PAM: variants seen among roughly 807,000 people sequenced by gnomAD.
The protein encoded by PAM is peptidylglycine alpha-amidating monooxygenase.
PAM carries 72 observed loss-of-function variants against 122.1 expected under a neutral mutation model. The ratio of observed to expected loss-of-function variants is 0.59; its 90% CI spans 0.49 to 0.72. The LOEUF is 0.72. Ranked by LOEUF, PAM falls within the 30% of genes least tolerant of loss-of-function variation. The pLI is 0.00. For missense variants in PAM, 1,106 were observed against 1,183.7 expected (o/e 0.93, Z 0.96); for synonymous variants, 389 against 404.4 (o/e 0.96, Z 0.46).
chr5:102,884,521 G>A (rs1489817935), intron 3 of PAM, among the ~76,000 whole-genome samples: 4 of 151,912 alleles, frequency 2.6e-5, no homozygotes, highest in African/African-American at 4.8e-5. Context: ...GAAGATATTT[G>A]TGGAAGGCAA....
intron 12 of PAM, among the ~76,000 whole-genome samples, chr5:102,956,625 A>G (rs1056011998): frequency 1.4e-4 from 22 of 152,184 alleles, no homozygotes; most frequent in African/African-American, 5.3e-4. Flanking sequence ...TTTGTCTCCA[A>G]TATTAGTATA....
chr5:102,942,380 A>C (rs1396795960), intron 7 of PAM, among the ~76,000 whole-genome samples: 1 of 152,072 alleles, frequency 6.6e-6, no homozygotes, highest in East Asian at 1.9e-4. Flanking sequence ...TAATAGTCAA[A>C]TAGTTATTAC....
intron 16 of PAM, among the ~76,000 whole-genome samples, chr5:102,992,845 T>C (rs1262971768): frequency 6.6e-6 from 1 of 152,120 alleles, no homozygotes; most frequent in Non-Finnish European, 1.5e-5. Context: ...GACCAGGGCA[T>C]ATTCTAAATC....
In PAM at chr5:102,866,119, G is replaced by A. The variant is rs1785474567; in HGVS notation, c.-77G>A. ...CCATGAAGTAGCGGCTGCTGGCGGC[G>A]CCGCTGCCCAACCGCCAGCCCCAGC... On this transcript the variant is annotated 5_prime_UTR_variant, in exon 2 of 26. Coordinates refer to ENST00000438793, the MANE Select transcript of PAM (RefSeq NM_001177306.2). The A allele has an allele frequency of 4.2e-6, 4 of 949,888 alleles. No homozygotes were observed. Among genetic ancestry groups the A allele is most frequent in the Non-Finnish European group, 6.4e-6 (4 of 621,968 alleles). 58.8% of individuals were successfully genotyped at this position (949,888 alleles called of 1,614,324 possible). A position where few individuals can be genotyped will look rare whatever the true frequency, so the allele number is the denominator to read the frequency against.
At chr5:102,932,821 TAGTGAATA>T (rs1037004918) in intron 7 of PAM, among the ~76,000 whole-genome samples, 48 of 152,232 alleles carry the variant, frequency 3.2e-4, no homozygotes, top group African/African-American at 1.2e-3. Context: ...TGAGATAGCC[TAGTGAATA>T]TCAATGATTG....
chr5:102,884,740 C>G (rs1314309506), intron 3 of PAM, among the ~76,000 whole-genome samples: 1 of 151,842 alleles, frequency 6.6e-6, no homozygotes, highest in African/African-American at 2.4e-5. Flanking sequence ...TTTCAAGGCA[C>G]AGATTGCTTT....
chr5:102,892,894 G>C (rs572095244), intron 3 of PAM, among the ~76,000 whole-genome samples: 3 of 151,712 alleles, frequency 2.0e-5, no homozygotes, highest in Admixed American at 2.0e-4. Context: ...TCAAATTGTC[G>C]TTTGTTATAT....
rs543961539 is a variant in PAM at position 102,960,680 on chromosome 5, A to AT, written c.1091-476dup. 3.3e-5 allele frequency among the ~76,000 whole-genome samples: 5 copies of AT among 151,856 alleles called. No homozygotes were observed. The South Asian group carries it at 1.0e-3, about 32-fold the overall frequency. ...ATCGCATGAAGTATGCTGAGACTTGATTGAGTTTTGCAAGTTCAGTCTTAA... is the reference window on the plus strand; with the variant it reads ...ATCGCATGAAGTATGCTGAGACTTGATTTGAGTTTTGCAAGTTCAGTCTTAA... On this transcript the variant is annotated intron_variant, in intron 13 of 25. Transcript: ENST00000438793.
intron 1 of PAM, among the ~76,000 whole-genome samples, chr5:102,778,125 G>A (rs569733027): frequency 8.1e-4 from 124 of 152,158 alleles, no homozygotes; most frequent in Non-Finnish European, 1.6e-3. Flanking sequence ...GCACCATAGA[G>A]AATTAAAAAG....
chr5:102,814,250 A>G (rs1181685327), intron 1 of PAM, among the ~76,000 whole-genome samples: 1 of 152,192 alleles, frequency 6.6e-6, no homozygotes, highest in Non-Finnish European at 1.5e-5. Context: ...TTTAAGCTCA[A>G]AACTTCCCAA....
intron 1 of PAM, among the ~76,000 whole-genome samples, chr5:102,786,445 T>G (rs150263375): frequency 3.0e-4 from 45 of 152,330 alleles, no homozygotes; most frequent in Non-Finnish European, 4.7e-4. Flanking sequence ...AATTTTTTAT[T>G]CTCTACTTAG....
chr5:102,881,125 T>TACATACACACACACACACACAC lies in PAM; in HGVS notation c.210+13736_210+13757dup, dbSNP rs1554098643. Among the ~76,000 whole-genome samples the TACATACACACACACACACACAC allele has an allele frequency of 4.6e-3, 315 of 69,090 alleles. 3 individuals carry two copies. The highest frequency in any genetic ancestry group is 0.029 in the African/African-American group (300 of 10,366). The allele number at this position is 69,090 out of a possible 152,430, so 45.3% of individuals were successfully genotyped here. Reference sequence around the variant, plus strand: ...CTGGAAAATTAAAAAATAATTTTTATACATACACACACACACACACACACA... The same window carrying TACATACACACACACACACACAC: ...CTGGAAAATTAAAAAATAATTTTTATACATACACACACACACACACACACATACACACACACACACACACACA... On this transcript the variant is annotated intron_variant, in intron 3 of 25. Coordinates refer to ENST00000438793, the MANE Select transcript of PAM (RefSeq NM_001177306.2).
chr5:102,926,584 G>A lies in PAM; in HGVS notation c.443-1G>A, dbSNP rs758310100. 8 of 1,551,680 alleles carry A rather than the reference G, an allele frequency of 5.2e-6. No individual in the cohort carries two copies. The highest frequency in any genetic ancestry group is 5.3e-6 in the Non-Finnish European group (6 of 1,124,092). Reference sequence around the variant, plus strand: ...ATATTAACTTTTTTGTAAATCTTTAGGTGTTGGATTCAGAGTTGGAGGAGA... The same window carrying A: ...ATATTAACTTTTTTGTAAATCTTTAAGTGTTGGATTCAGAGTTGGAGGAGA... On this transcript the variant is annotated splice_acceptor_variant, in intron 6 of 25. Transcript: ENST00000438793. LOFTEE classifies it high-confidence loss of function.
intron 1 of PAM, among the ~76,000 whole-genome samples, chr5:102,834,200 C>G (rs468987): frequency 0.68 from 103,451 of 151,936 alleles, 35,461 homozygotes; most frequent in South Asian, 0.82. Context: ...AAGAAAAATT[C>G]TACTTTTGTT....
intron 16 of PAM, among the ~76,000 whole-genome samples, chr5:103,002,739 G>A (rs1777774578): frequency 6.6e-6 from 1 of 152,124 alleles, no homozygotes; most frequent in Admixed American, 6.6e-5. Context: ...TCAAACCCCA[G>A]TGAGCATAGG....
At chr5:102,967,787 C>T (rs540973617) in intron 14 of PAM, among the ~76,000 whole-genome samples, 3 of 148,018 alleles carry the variant, frequency 2.0e-5, no homozygotes, top group Non-Finnish European at 4.4e-5. Flanking sequence ...ACTATCTCAG[C>T]TCACAGCTCA....
chr5:102,928,205 A>G (rs922144463), intron 7 of PAM, among the ~76,000 whole-genome samples: 8 of 152,192 alleles, frequency 5.3e-5, no homozygotes, highest in African/African-American at 1.9e-4. Context: ...TCACTTTTCA[A>G]TCTAATTCCC....
At chr5:102,979,519 GA>G (rs1434602429) in intron 15 of PAM, among the ~76,000 whole-genome samples, 23 of 151,298 alleles carry the variant, frequency 1.5e-4, no homozygotes, top group Non-Finnish European at 2.9e-4. Context: ...TGTTTTTGTT[GA>G]AGTCTTCTAG....
intron 15 of PAM, among the ~76,000 whole-genome samples, chr5:102,980,926 AGACTT>A (rs1769561000): frequency 1.3e-5 from 2 of 152,350 alleles, no homozygotes; most frequent in South Asian, 4.1e-4. Context: ...TCATGGTGTT[AGACTT>A]CATACATTTT....
Sources: allele counts gnomAD v4.1 joint callset (sites outside exome capture counted in the v4.1 genomes callset), GRCh38; gene constraint gnomAD v4.1.1; transcripts MANE v1.5; gene names NCBI Gene and HGNC (gene_info 2026-07-23, HGNC 2026-07-21).